Variants in ZNRF1 observed in about 807,000 individuals in gnomAD.
ZNRF1 encodes the protein E3 ubiquitin-protein ligase ZNRF1.
ZNRF1 carries 3 observed loss-of-function variants against 18.4 expected under a neutral mutation model. The observed-to-expected ratio is 0.16, with a 90% CI of 0.07 to 0.42. The LOEUF (loss-of-function observed/expected upper bound fraction) is 0.42, where lower values mean the gene tolerates loss of function less well. Ranked by LOEUF, ZNRF1 falls within the 10% of genes least tolerant of loss-of-function variation. ZNRF1 has a pLI of 0.99. For missense variants in ZNRF1, 310 were observed against 329.8 expected (o/e 0.94, Z 0.47); for synonymous variants, 157 against 144.2 (o/e 1.09, Z -0.64).
intron 1 of ZNRF1, among the ~76,000 whole-genome samples, chr16:75,010,302 GT>G (rs1409491194): frequency 2.6e-5 from 4 of 151,996 alleles, no homozygotes; most frequent in African/African-American, 9.7e-5. Flanking sequence ...TTTTTCTTTC[GT>G]TGTTGATTTT....
At chr16:75,010,711 G>GTGTTTTTTTTTTTTTTTTTTTTTT (rs1367958306) in intron 1 of ZNRF1, among the ~76,000 whole-genome samples, 1 of 74,324 alleles carries the variant, frequency 1.3e-5, no homozygotes, top group African/African-American at 3.9e-5. Flanking sequence ...GTTTTTTTTT[G>GTGTTTTTTTTTTTTTTTTTTTTTT]TTTTTTTGTT....
chr16:75,023,019 C>G (rs2035173888), intron 1 of ZNRF1, among the ~76,000 whole-genome samples: 1 of 152,070 alleles, frequency 6.6e-6, no homozygotes, highest in African/African-American at 2.4e-5. Flanking sequence ...GAGGAGAAAC[C>G]AGGTAAGCAG....
At chr16:75,045,385 CATT>C (rs2035501887) in intron 1 of ZNRF1, among the ~76,000 whole-genome samples, 1 of 152,130 alleles carries the variant, frequency 6.6e-6, no homozygotes, top group Admixed American at 6.5e-5. Context: ...AAGCTTGAGT[CATT>C]ACCTTAGGCA....
At chr16:75,049,805 T>C (rs1158126026) in intron 1 of ZNRF1, among the ~76,000 whole-genome samples, 2 of 151,534 alleles carry the variant, frequency 1.3e-5, no homozygotes, top group Non-Finnish European at 2.9e-5. Flanking sequence ...GTACCATCCA[T>C]AGACCATATT....
intron 1 of ZNRF1, among the ~76,000 whole-genome samples, chr16:75,048,516 G>A (rs2035545568): frequency 6.6e-6 from 1 of 152,200 alleles, no homozygotes; most frequent in Admixed American, 6.5e-5. Context: ...ACCATAGAGA[G>A]ATTTAAAAGA....
At chr16:75,093,113 G>A (rs58355832) in intron 1 of ZNRF1, among the ~76,000 whole-genome samples, 45,214 of 152,144 alleles carry the variant, frequency 0.3, 8,076 homozygotes, top group East Asian at 0.63. Context: ...CACCGGGCGC[G>A]GTGGCTCATG....
intron 1 of ZNRF1, among the ~76,000 whole-genome samples, chr16:75,063,086 T>C (rs2035762269): frequency 6.6e-6 from 1 of 152,238 alleles, no homozygotes. Flanking sequence ...GGCATAAGCC[T>C]CACTTTACGA....
At chr16:75,020,423 C>T (rs1039232757) in intron 1 of ZNRF1, among the ~76,000 whole-genome samples, 1 of 152,028 alleles carries the variant, frequency 6.6e-6, no homozygotes, top group Non-Finnish European at 1.5e-5. Context: ...CTTAATATCT[C>T]ATTTGATACC....
intron 1 of ZNRF1, among the ~76,000 whole-genome samples, chr16:75,093,030 C>G (rs1315152488): frequency 1.3e-5 from 2 of 152,170 alleles, no homozygotes; most frequent in East Asian, 1.9e-4. Context: ...TAAACCTTAA[C>G]GAGGCACATA....
chr16:75,029,141 A>G (rs569308340), intron 1 of ZNRF1, among the ~76,000 whole-genome samples: 22 of 119,172 alleles, frequency 1.8e-4, no homozygotes, highest in Non-Finnish European at 3.8e-4. Flanking sequence ...ATTTTATTTT[A>G]TTTTTATTTT....
chr16:75,072,384 T>C (rs757102378), intron 1 of ZNRF1, among the ~76,000 whole-genome samples: 1 of 152,158 alleles, frequency 6.6e-6, no homozygotes, highest in Non-Finnish European at 1.5e-5. Context: ...CCACTCCTAG[T>C]TACTTTTGGG....
intron 2 of ZNRF1, among the ~76,000 whole-genome samples, chr16:75,096,529 G>A (rs1216717815): frequency 6.6e-6 from 1 of 152,160 alleles, no homozygotes; most frequent in Non-Finnish European, 1.5e-5. Flanking sequence ...AGAGTCAGAG[G>A]TGTGAGTTCT....
chr16:75,051,899 T>G (rs147372360), intron 1 of ZNRF1, among the ~76,000 whole-genome samples: 33 of 152,338 alleles, frequency 2.2e-4, no homozygotes, highest in African/African-American at 7.0e-4. Flanking sequence ...ACCTCTTATT[T>G]TGTACACATT....
At chr16:75,045,921 A>T (rs1371223578) in intron 1 of ZNRF1, among the ~76,000 whole-genome samples, 1 of 150,688 alleles carries the variant, frequency 6.6e-6, no homozygotes, top group African/African-American at 2.4e-5. Flanking sequence ...TTTATTTTTG[A>T]GATGGAGTTT....
At chr16:75,023,221 C>T (rs2035177082) in intron 1 of ZNRF1, among the ~76,000 whole-genome samples, 1 of 152,128 alleles carries the variant, frequency 6.6e-6, no homozygotes, top group Non-Finnish European at 1.5e-5. Flanking sequence ...CTTTTCTCTC[C>T]ACCCCCTTAA....
chr16:75,016,669 G>C (rs77578772), intron 1 of ZNRF1, among the ~76,000 whole-genome samples: 1 of 151,560 alleles, frequency 6.6e-6, no homozygotes. Flanking sequence ...CAGAGTAGCT[G>C]GGACTACAGG....
chr16:75,033,770 TA>T (rs1405575126), intron 1 of ZNRF1, among the ~76,000 whole-genome samples: 2 of 152,186 alleles, frequency 1.3e-5, no homozygotes, highest in African/African-American at 2.4e-5. Context: ...GTGCACATTT[TA>T]AAATATTTAC....
chr16:75,035,016 T>A (rs1276274533), intron 1 of ZNRF1, among the ~76,000 whole-genome samples: 1 of 152,172 alleles, frequency 6.6e-6, no homozygotes, highest in African/African-American at 2.4e-5. Flanking sequence ...GGAACTGCCA[T>A]AACTTTTTCA....
intron 1 of ZNRF1, among the ~76,000 whole-genome samples, chr16:75,051,170 A>G (rs937533034): frequency 2.0e-5 from 3 of 151,902 alleles, no homozygotes; most frequent in African/African-American, 7.3e-5. Context: ...TGTACGGGTG[A>G]CAGACCACCC....
Sources: gnomAD v4.1 joint callset for allele counts (sites outside exome capture counted in the v4.1 genomes callset) on GRCh38, gnomAD v4.1.1 for gene constraint, MANE v1.5 for transcripts, NCBI Gene and HGNC (gene_info 2026-07-23, HGNC 2026-07-21) for gene names.